Variants in USH2A observed in about 807,000 individuals in gnomAD.
The protein encoded by USH2A is Usher syndrome 2A (autosomal recessive, mild).
In USH2A, 443 loss-of-function variants were observed where a neutral mutation model predicts 538.9. The ratio of observed to expected loss-of-function variants is 0.82; its 90% CI spans 0.76 to 0.89. The LOEUF is 0.89. USH2A is among the 40% of genes least tolerant of loss of function. The probability of loss-of-function intolerance (pLI) is 0.00; values close to 1 mark genes in which losing one functional copy is unlikely to be tolerated. For synonymous variants in USH2A, 2,413 were observed against 2,273.5 expected (o/e 1.06, Z -1.75); for missense variants, 6,633 against 6,324.8 (o/e 1.05, Z -1.65).
At chr1:215,961,915 A>G (rs978528663) in intron 37 of USH2A, among the ~76,000 whole-genome samples, 1 of 151,958 alleles carries the variant, frequency 6.6e-6, no homozygotes, top group Non-Finnish European at 1.5e-5. Flanking sequence ...GCTAGGAAAA[A>G]GCAATAATGA....
At chr1:215,792,252 A>G (rs1662002414) in intron 50 of USH2A, among the ~76,000 whole-genome samples, 1 of 152,210 alleles carries the variant, frequency 6.6e-6, no homozygotes, top group African/African-American at 2.4e-5. Context: ...AAATTTTGAT[A>G]ATGAACTGTT....
At chr1:216,042,235 A>G (rs2030308408) in intron 32 of USH2A, among the ~76,000 whole-genome samples, 1 of 152,068 alleles carries the variant, frequency 6.6e-6, no homozygotes, top group African/African-American at 2.4e-5. Context: ...TTTTGTTAAC[A>G]TGAATAAAGT....
intron 46 of USH2A, 60 bp from the exon 47 acceptor site, chr1:215,838,163 A>C: frequency 7.7e-7 from 1 of 1,301,798 alleles, no homozygotes; most frequent in East Asian, 2.3e-5. Context: ...TACTAACAAT[A>C]GTCTGAATCC....
chr1:215,734,751 G>C (rs1327876581), intron 60 of USH2A, among the ~76,000 whole-genome samples: 1 of 152,160 alleles, frequency 6.6e-6, no homozygotes, highest in Admixed American at 6.5e-5. Context: ...GGATGTAATG[G>C]AACCTAGTTC....
chr1:216,119,602 C>T (rs767212833), intron 21 of USH2A, among the ~76,000 whole-genome samples: 4 of 151,922 alleles, frequency 2.6e-5, no homozygotes, highest in Non-Finnish European at 4.4e-5. Context: ...TTTAATTAAA[C>T]GAAATATCCC....
chr1:216,343,192 T>G (rs1275789558), intron 4 of USH2A, among the ~76,000 whole-genome samples: 1 of 151,910 alleles, frequency 6.6e-6, no homozygotes, highest in Non-Finnish European at 1.5e-5. Context: ...AAAGATAATT[T>G]CTTGTTAAAT....
chr1:215,900,973 A>G, intron 38 of USH2A, 68 bp from the exon 39 acceptor site: 1 of 1,589,950 alleles, frequency 6.3e-7, no homozygotes, highest in East Asian at 2.2e-5. Context: ...TGGAATCGAA[A>G]TGCTCCATAT....
chr1:216,035,806 C>T (rs575645866), intron 32 of USH2A, among the ~76,000 whole-genome samples: 3 of 152,082 alleles, frequency 2.0e-5, no homozygotes, highest in South Asian at 2.1e-4. Flanking sequence ...CATTTAAACT[C>T]AATTCAGTGA....
chr1:216,094,668 T>G lies in USH2A; in HGVS notation c.4758+2415A>C, dbSNP rs55860667. On this transcript the variant is annotated intron_variant, in intron 22 of 71. Coordinates refer to ENST00000307340, the MANE Select transcript of USH2A (RefSeq NM_206933.4). ...TTTGGCTAGATTACTTACTGAAATA[T>G]TTCTTTCCAACCTGGTGCAGAGATG... is the stretch of plus-strand genomic sequence containing the variant. Among the ~76,000 whole-genome samples, 902 of 152,350 alleles carry G rather than the reference T, an allele frequency of 5.9e-3. 12 individuals carry two copies. The highest frequency in any genetic ancestry group is 0.021 in the African/African-American group (863 of 41,586).
intron 30 of USH2A, among the ~76,000 whole-genome samples, chr1:216,063,209 A>AC (rs2031241900): frequency 6.6e-6 from 1 of 152,188 alleles, no homozygotes. Flanking sequence ...AACTGGCAAA[A>AC]CAGCTGCCTC....
intron 58 of USH2A, among the ~76,000 whole-genome samples, chr1:215,754,278 C>CA (rs1222261904): frequency 1.3e-5 from 2 of 152,144 alleles, no homozygotes; most frequent in Non-Finnish European, 2.9e-5. Context: ...TTATCAGTAT[C>CA]ACGGGTACTC....
At chr1:216,341,134 G>C (rs10864240) in intron 4 of USH2A, among the ~76,000 whole-genome samples, 1 of 151,730 alleles carries the variant, frequency 6.6e-6, no homozygotes, top group African/African-American at 2.4e-5. Context: ...GCTGATAAAC[G>C]ACTTCAGCAA....
chr1:215,988,908 G>C (rs1464772382), intron 35 of USH2A, among the ~76,000 whole-genome samples: 2 of 152,154 alleles, frequency 1.3e-5, no homozygotes, highest in African/African-American at 4.8e-5. Context: ...AACAAGGGGA[G>C]AGGATCTTTT....
chr1:216,291,375 T>A (rs1376999515), intron 10 of USH2A, among the ~76,000 whole-genome samples: 9 of 152,202 alleles, frequency 5.9e-5, no homozygotes, highest in Admixed American at 5.2e-4. Flanking sequence ...CCTTGCCCTA[T>A]CTTAGCAATC....
chr1:215,842,343 C>A (rs1663703739), intron 46 of USH2A, among the ~76,000 whole-genome samples: 1 of 152,110 alleles, frequency 6.6e-6, no homozygotes, highest in South Asian at 2.1e-4. Flanking sequence ...AATAGAAGGG[C>A]TTTTACACTG....
chr1:216,279,707 T>C (rs923805197), intron 11 of USH2A, among the ~76,000 whole-genome samples: 7 of 152,102 alleles, frequency 4.6e-5, no homozygotes, highest in Non-Finnish European at 8.8e-5. Context: ...TGAACCCCCA[T>C]GGCTTCCTCA....
At chr1:216,187,649 G>C (rs955880008) in intron 20 of USH2A, among the ~76,000 whole-genome samples, 1 of 151,648 alleles carries the variant, frequency 6.6e-6, no homozygotes, top group Non-Finnish European at 1.5e-5. Flanking sequence ...CCTTGATTTT[G>C]ATAACATTAG....
intron 29 of USH2A, among the ~76,000 whole-genome samples, 185 bp from the exon 30 acceptor site, chr1:216,070,477 C>T (rs1394846617): frequency 1.3e-5 from 2 of 152,068 alleles, no homozygotes; most frequent in Admixed American, 1.3e-4. Flanking sequence ...TCAGTTTAAG[C>T]GATATTTCAA....
chr1:215,940,078 G>A (rs933322968), intron 37 of USH2A, among the ~76,000 whole-genome samples: 1 of 152,040 alleles, frequency 6.6e-6, no homozygotes, highest in African/African-American at 2.4e-5. Flanking sequence ...AAATGACAGT[G>A]AACAAACCAA....
Sources: gnomAD v4.1 joint callset for allele counts (sites outside exome capture counted in the v4.1 genomes callset) on GRCh38, gnomAD v4.1.1 for gene constraint, MANE v1.5 for transcripts, NCBI Gene and HGNC (gene_info 2026-07-23, HGNC 2026-07-21) for gene names.